GTF2IRD1: variants seen among roughly 807,000 people sequenced by gnomAD.
GTF2IRD1 encodes GTF2I repeat domain containing 1, also known as general transcription factor II-I repeat domain-containing protein 1.
GTF2IRD1 carries 26 observed loss-of-function variants against 113.2 expected under a neutral mutation model. The ratio of observed to expected loss-of-function variants is 0.23; its 90% CI spans 0.17 to 0.32. GTF2IRD1 has a LOEUF of 0.32. Ranked by LOEUF, GTF2IRD1 falls within the 10% of genes least tolerant of loss-of-function variation. The pLI is 1.00. For missense variants in GTF2IRD1, 864 were observed against 1,280.8 expected (o/e 0.67, Z 4.97); for synonymous variants, 484 against 529.1 (o/e 0.91, Z 1.17).
chr7:74,518,108 C>T (rs1554345047), intron 4 of GTF2IRD1, 31 bp from the exon 5 acceptor site: 2 of 1,438,342 alleles, frequency 1.4e-6, no homozygotes, highest in African/African-American at 2.9e-5. Context: ...CCCTCTCATA[C>T]CAGGCCCCTC....
intron 22 of GTF2IRD1, among the ~76,000 whole-genome samples, chr7:74,587,007 G>T (rs1183267305): frequency 6.6e-6 from 1 of 152,088 alleles, no homozygotes; most frequent in Non-Finnish European, 1.5e-5. Context: ...ACTTAGTCTG[G>T]CATGGTGATT....
intron 22 of GTF2IRD1, among the ~76,000 whole-genome samples, chr7:74,564,879 C>A: frequency 6.6e-6 from 1 of 152,148 alleles, no homozygotes; most frequent in East Asian, 1.9e-4. Flanking sequence ...TGCTGAGTGG[C>A]GGGCAGGCGT....
At chr7:74,582,536 G>A (rs1554366448) in intron 22 of GTF2IRD1, among the ~76,000 whole-genome samples, 1 of 152,186 alleles carries the variant, frequency 6.6e-6, no homozygotes, top group African/African-American at 2.4e-5. Context: ...TGGGATGACA[G>A]GCATGAGCCA....
Position 74,536,249 on chromosome 7 carries a change from C to T in GTF2IRD1, c.1383C>T (p.Thr461=), listed in dbSNP as rs142744344. ...EDTSAEVSRA[T]VLDLAGNARS... ...CCTCTGCAGAGGTCTCTAGGGCCAC[C>T]GTCCTTGACCTTGCTGGGAATGCTC... is the stretch of plus-strand genomic sequence containing the variant. The change falls in exon 11 of 27, where the codon ACC becomes ACT. Residue 461 remains threonine (T), a synonymous_variant. Transcript: ENST00000424337. 1.6e-4 allele frequency: 265 copies of T among 1,610,814 alleles called. 1 individual carries two copies. Among genetic ancestry groups the T allele is most frequent in the East Asian group, 5.1e-4 (23 of 44,852 alleles).
intron 19 of GTF2IRD1, among the ~76,000 whole-genome samples, chr7:74,556,699 C>CT (rs1475323810): frequency 6.8e-6 from 1 of 147,786 alleles, no homozygotes; most frequent in Non-Finnish European, 1.5e-5. Flanking sequence ...TCTTGGCTCA[C>CT]TACAACCTCC....
chr7:74,544,551 A>C (rs1436821590), intron 14 of GTF2IRD1, among the ~76,000 whole-genome samples: 1 of 152,206 alleles, frequency 6.6e-6, no homozygotes, highest in Non-Finnish European at 1.5e-5. Context: ...AGGTGCATGC[A>C]AAATGATCTC....
chr7:74,502,815 GA>G (rs1407883597), intron 1 of GTF2IRD1, among the ~76,000 whole-genome samples: 6 of 152,202 alleles, frequency 3.9e-5, no homozygotes, highest in African/African-American at 1.4e-4. Context: ...AACATCCCTA[GA>G]AGATGACCCA....
chr7:74,515,249 A>C, intron 3 of GTF2IRD1, 192 bp from the exon 4 acceptor site: 1 of 1,189,498 alleles, frequency 8.4e-7, no homozygotes. Flanking sequence ...CTCTGAGATG[A>C]CCAGCCCTGG....
chr7:74,575,568 G>T (rs1207510486), intron 22 of GTF2IRD1, among the ~76,000 whole-genome samples: 1 of 152,234 alleles, frequency 6.6e-6, no homozygotes, highest in Non-Finnish European at 1.5e-5. Context: ...CGACGCCTGT[G>T]GCGGCAGTGG....
chr7:74,467,811 A>G lies in GTF2IRD1; in HGVS notation c.-7+13635A>G, dbSNP rs543312028. 2.8e-4 allele frequency among the ~76,000 whole-genome samples: 42 copies of G among 152,264 alleles called. 1 individual carries two copies. The highest frequency in any genetic ancestry group is 2.4e-3 in the Admixed American group (36 of 15,284). ...TGGTTTCAAGCGATTCTCCTGCCTC[A>G]GTCTCCTGAGTAGCTGGGATTACAG... On this transcript the variant is annotated intron_variant, in intron 1 of 26. Transcript: ENST00000424337.
chr7:74,524,293 C>T, intron 8 of GTF2IRD1, 139 bp downstream of exon 8: 4 of 612,862 alleles, frequency 6.5e-6, no homozygotes, highest in East Asian at 2.8e-5. Context: ...TAATGTCATC[C>T]GTCGCGGGCT....
intron 1 of GTF2IRD1, among the ~76,000 whole-genome samples, chr7:74,499,449 AGAAG>A (rs1284119812): frequency 3.5e-5 from 5 of 142,392 alleles, no homozygotes; most frequent in Admixed American, 6.8e-5. Context: ...AGGGAGAGAG[AGAAG>A]GAAGGAAGGA....
intron 1 of GTF2IRD1, among the ~76,000 whole-genome samples, chr7:74,457,337 T>C (rs1439879056): frequency 6.6e-6 from 1 of 152,194 alleles, no homozygotes; most frequent in Admixed American, 6.5e-5. Context: ...CTCAGATGTT[T>C]ACATCTCTCT....
Position 74,462,338 on chromosome 7 carries a change from G to A in GTF2IRD1, c.-7+8162G>A, listed in dbSNP as rs576398738. ...TAACCCCTAAAAGTTTTTGAAGCCC[G>A]TTTGTTCATCCTTGTCTCTTGTCCT... is the stretch of plus-strand genomic sequence containing the variant. On this transcript the variant is annotated intron_variant, in intron 1 of 26. Transcript: ENST00000424337. Among the ~76,000 whole-genome samples, 230 of 152,284 alleles carry A rather than the reference G, an allele frequency of 1.5e-3. 1 individual carries two copies. The highest frequency in any genetic ancestry group is 3.0e-3 in the Non-Finnish European group (204 of 68,026).
At chr7:74,491,109 C>T (rs1350639659) in intron 1 of GTF2IRD1, among the ~76,000 whole-genome samples, 1 of 151,918 alleles carries the variant, frequency 6.6e-6, no homozygotes, top group Non-Finnish European at 1.5e-5. Flanking sequence ...AGTTCAAGAC[C>T]ATTCTGGCCA....
intron 20 of GTF2IRD1, among the ~76,000 whole-genome samples, chr7:74,558,392 C>G (rs1799746399): frequency 1.1e-5 from 1 of 88,894 alleles, no homozygotes; most frequent in Non-Finnish European, 2.1e-5. Flanking sequence ...CAGGGTCTCA[C>G]TCTGTCACCC....
At chr7:74,462,920 T>C (rs1793474713) in intron 1 of GTF2IRD1, among the ~76,000 whole-genome samples, 1 of 152,226 alleles carries the variant, frequency 6.6e-6, no homozygotes. Context: ...ATTGAGGCTA[T>C]GGGGCCAGGA....
chr7:74,561,452 A>G (rs1799961288), intron 22 of GTF2IRD1, among the ~76,000 whole-genome samples: 1 of 149,924 alleles, frequency 6.7e-6, no homozygotes. Context: ...GTAGTTGGAG[A>G]GGGTTTCCTG....
At chr7:74,476,426 G>A (rs1437984734) in intron 1 of GTF2IRD1, among the ~76,000 whole-genome samples, 3 of 147,082 alleles carry the variant, frequency 2.0e-5, no homozygotes, top group Non-Finnish European at 4.5e-5. Context: ...GTGCAGCGGT[G>A]CGATCTCGGC....
Sources: allele counts gnomAD v4.1 joint callset (sites outside exome capture counted in the v4.1 genomes callset), GRCh38; gene constraint gnomAD v4.1.1; transcripts MANE v1.5; gene names NCBI Gene and HGNC (gene_info 2026-07-23, HGNC 2026-07-21).